CIT: variants seen among roughly 807,000 people sequenced by gnomAD.
The protein encoded by CIT is citron Rho-interacting kinase.
Under a neutral mutation model 272.7 loss-of-function variants are expected in CIT, and 79 were observed. That is an observed-to-expected ratio of 0.29 (90% confidence interval 0.24 to 0.35). CIT has a LOEUF of 0.35. Among genes scored for constraint, CIT ranks in the 10% least tolerant of loss-of-function variants. CIT has a pLI of 1.00. For missense variants in CIT, 1,909 were observed against 2,618.3 expected (o/e 0.73, Z 5.91); for synonymous variants, 948 against 995.6 (o/e 0.95, Z 0.90).
At chr12:119,800,694 G>A (rs982906465) in intron 10 of CIT, among the ~76,000 whole-genome samples, 6 of 152,138 alleles carry the variant, frequency 3.9e-5, no homozygotes, top group African/African-American at 7.2e-5. Context: ...TGCTGAAAAC[G>A]GTGAGAAAAG....
rs1957664152 is a variant in CIT at position 119,718,548 on chromosome 12, GC to G, written c.4004-140del. The G allele has an allele frequency of 7.2e-7, 1 of 1,391,340 alleles. No individual in the cohort carries two copies. Among genetic ancestry groups the G allele is most frequent in the Admixed American group, 2.0e-5 (1 of 49,576 alleles). The allele number at this position is 1,391,340 out of a possible 1,614,324, so 86.2% of individuals were successfully genotyped here. A position where few individuals can be genotyped will look rare whatever the true frequency, so the allele number is the denominator to read the frequency against. On this transcript the variant is annotated intron_variant, in intron 31 of 47. Coordinates refer to ENST00000392521, the MANE Select transcript of CIT (RefSeq NM_001206999.2). This position sits in a 1 kb window ranked among gnomAD's most constrained non-coding sequence, Gnocchi z 4.8. ...CACATCAACTTGGCAATGCACAGGG[GC>G]CATACGTTTTTCAGACATGGGATGT...
intron 10 of CIT, among the ~76,000 whole-genome samples, chr12:119,794,203 G>A (rs1229676715): frequency 6.6e-6 from 1 of 152,184 alleles, no homozygotes; most frequent in Non-Finnish European, 1.5e-5. Flanking sequence ...CTAGCTTCTT[G>A]AGAGTAAAGA....
chr12:119,821,009 T>G (rs1490605543), intron 9 of CIT, among the ~76,000 whole-genome samples: 1 of 151,412 alleles, frequency 6.6e-6, no homozygotes, highest in African/African-American at 2.4e-5. Context: ...TTAAAAGAAT[T>G]TTTTGGCCAG....
chr12:119,743,909 G>A (rs763746521), intron 23 of CIT, among the ~76,000 whole-genome samples: 1 of 152,194 alleles, frequency 6.6e-6, no homozygotes, highest in Non-Finnish European at 1.5e-5. Context: ...GACCAAGGCA[G>A]AGACCAAGAA....
intron 8 of CIT, among the ~76,000 whole-genome samples, chr12:119,824,374 TTAAC>T (rs1473865241): frequency 1.3e-5 from 2 of 152,126 alleles, no homozygotes; most frequent in Admixed American, 6.6e-5. Flanking sequence ...TGTTTGAAGA[TTAAC>T]TAACTGACTA....
At chr12:119,874,885 C>CA (rs199568006) in intron 2 of CIT, among the ~76,000 whole-genome samples, 3,449 of 74,178 alleles carry the variant, frequency 0.046, 150 homozygotes, top group African/African-American at 0.13. Flanking sequence ...GACTCTGTCT[C>CA]AAAAAAAAAA....
intron 18 of CIT, among the ~76,000 whole-genome samples, chr12:119,769,730 G>A (rs924430619): frequency 2.0e-5 from 3 of 152,288 alleles, no homozygotes; most frequent in Admixed American, 1.3e-4. Context: ...CAAAGACTGG[G>A]TGTCTTAGCA....
In CIT at chr12:119,768,509, G is replaced by C. The variant is rs542191988; in HGVS notation, c.2209-1327C>G. Among the ~76,000 whole-genome samples the C allele has an allele frequency of 3.3e-4, 50 of 152,240 alleles. No individual in the cohort carries two copies. The highest frequency in any genetic ancestry group is 1.0e-3 in the African/African-American group (43 of 41,558). On this transcript the variant is annotated intron_variant, in intron 18 of 47. Coordinates refer to ENST00000392521, the MANE Select transcript of CIT (RefSeq NM_001206999.2). The surrounding 1 kb of genome is among the most constrained non-coding windows in gnomAD (Gnocchi z 4.3). ...ATATAGGATATGTTCATAAAATGGA[G>C]GTGAAAAAGTACTTTGAGATTCACA...
intron 5 of CIT, among the ~76,000 whole-genome samples, chr12:119,842,388 CAAAAAAAAAAAA>C (rs58634070): frequency 9.8e-5 from 7 of 71,536 alleles, no homozygotes; most frequent in Admixed American, 7.8e-4. Context: ...GACTGCATCT[CAAAAAAAAAAAA>C]AAAAAAAAAA....
At chr12:119,835,711 T>C (rs1163123501) in intron 5 of CIT, among the ~76,000 whole-genome samples, 2 of 152,086 alleles carry the variant, frequency 1.3e-5, no homozygotes, top group Admixed American at 6.6e-5. Context: ...AGTCCAGAAT[T>C]AGAAGAAAGC....
In CIT at chr12:119,778,641, C is replaced by A. The variant is rs191647917; in HGVS notation, c.1666-1799G>T. On this transcript the variant is annotated intron_variant, in intron 13 of 47. Transcript: ENST00000392521. ...CCTTTTATCCCATTGTAGCAGGTGA[C>A]GCCCCCCCCCCAGAGCATATTAAAG... 1.2e-4 allele frequency among the ~76,000 whole-genome samples: 18 copies of A among 151,774 alleles called. No homozygotes were observed. The South Asian group carries it at 3.8e-3, about 32-fold the overall frequency.
chr12:119,799,951 G>A (rs909052714), intron 10 of CIT, among the ~76,000 whole-genome samples: 8 of 151,060 alleles, frequency 5.3e-5, no homozygotes, highest in Admixed American at 2.0e-4. Flanking sequence ...GGACACCCCC[G>A]TTCTAGAGTT....
At chr12:119,724,278 A>T (rs1957967537) in intron 28 of CIT, among the ~76,000 whole-genome samples, 1 of 152,206 alleles carries the variant, frequency 6.6e-6, no homozygotes, top group African/African-American at 2.4e-5. Flanking sequence ...GTCACATGGT[A>T]AGTGCTAATT....
chr12:119,692,494 GGA>G (rs1283283069), intron 46 of CIT, among the ~76,000 whole-genome samples: 1 of 152,218 alleles, frequency 6.6e-6, no homozygotes, highest in Non-Finnish European at 1.5e-5. Context: ...TATTGTGGAA[GGA>G]GAGACTCTAG....
At chr12:119,778,161 C>A (rs913479358) in intron 13 of CIT, among the ~76,000 whole-genome samples, 5 of 152,230 alleles carry the variant, frequency 3.3e-5, no homozygotes, top group Admixed American at 6.5e-5. Flanking sequence ...AAGGAAAGAA[C>A]CTTCCTGTTC....
intron 28 of CIT, among the ~76,000 whole-genome samples, chr12:119,726,880 A>G (rs376895746): frequency 1.1e-4 from 17 of 152,236 alleles, no homozygotes; most frequent in African/African-American, 1.7e-4. Flanking sequence ...CACGTAAGGG[A>G]TGGGTTTAGA....
At chr12:119,823,012 G>A in intron 8 of CIT, 39 bp from the exon 9 acceptor site, 1 of 1,557,740 alleles carries the variant, frequency 6.4e-7, no homozygotes, top group Non-Finnish European at 8.7e-7. Context: ...TCCTTAGTAG[G>A]GATTCCGTTT....
At chr12:119,799,171 T>A (rs1965981653) in intron 10 of CIT, among the ~76,000 whole-genome samples, 1 of 152,218 alleles carries the variant, frequency 6.6e-6, no homozygotes, top group South Asian at 2.1e-4. Flanking sequence ...TTGGACTACC[T>A]AATCATTGCT....
At chr12:119,731,344 C>T (rs1291255437) in intron 26 of CIT, among the ~76,000 whole-genome samples, 5 of 151,018 alleles carry the variant, frequency 3.3e-5, no homozygotes, top group African/African-American at 9.8e-5. Flanking sequence ...GGCATAGTGG[C>T]GCATGCCTGT....
Sources: allele counts gnomAD v4.1 joint callset (sites outside exome capture counted in the v4.1 genomes callset), GRCh38; gene constraint gnomAD v4.1.1; non-coding constraint Gnocchi (gnomAD v3.1); transcripts MANE v1.5; gene names NCBI Gene and HGNC (gene_info 2026-07-23, HGNC 2026-07-21).